ADARB1: variants seen among roughly 807,000 people sequenced by gnomAD.
ADARB1 encodes adenosine deaminase RNA specific B1, also known as double-stranded RNA-specific editase 1.
A neutral mutation model predicts 52.4 loss-of-function variants in ADARB1; 10 were observed. The ratio of observed to expected loss-of-function variants is 0.19; its 90% confidence interval spans 0.12 to 0.32. The LOEUF (loss-of-function observed/expected upper bound fraction) is 0.32. Ranked by LOEUF, ADARB1 falls within the 10% of genes least tolerant of loss-of-function variation. The pLI is 1.00. For synonymous variants in ADARB1, 349 were observed against 371.1 expected, an observed-to-expected ratio of 0.94 and a Z score of 0.68; for missense variants, 643 against 922.3, an observed-to-expected ratio of 0.70 and a Z score of 3.92.
intron 8 of ADARB1, among the ~76,000 whole-genome samples, chr21:45,202,411 G>A (rs2092574513): frequency 6.6e-6 from 1 of 152,176 alleles, no homozygotes; most frequent in South Asian, 2.1e-4. Flanking sequence ...GCGGCTGTTT[G>A]TCATGTGCTG....
chr21:45,121,907 C>A (rs753141902), intron 1 of ADARB1, among the ~76,000 whole-genome samples: 7 of 152,222 alleles, frequency 4.6e-5, no homozygotes, highest in African/African-American at 1.7e-4. Context: ...CCCCTCCTCT[C>A]GGGCCATCAA....
In ADARB1 at chr21:45,184,917, T is replaced by G; in HGVS notation, c.1397-6T>G. 1 of 1,607,712 alleles carries G rather than the reference T, an allele frequency of 6.2e-7. No homozygotes were observed. The highest frequency in any genetic ancestry group is 1.7e-4 in the Middle Eastern group (1 of 6,046). On this transcript the variant is annotated splice_polypyrimidine_tract_variant and splice_region_variant and intron_variant, in intron 7 of 10. Transcript: ENST00000348831. ...CTGTGGGGTTTTAACTCTTTTTCTC[T>G]CTTAGAACCAGCAGATAGACACCCA...
At chr21:45,124,343 TC>T (rs1169963431) in intron 1 of ADARB1, among the ~76,000 whole-genome samples, 5 of 151,970 alleles carry the variant, frequency 3.3e-5, no homozygotes, top group Non-Finnish European at 7.4e-5. Context: ...CATCCCTCCC[TC>T]CCTGCATTCC....
rs57020111 is a variant in ADARB1 at position 45,220,761 on chromosome 21, T to C, written c.1748-75T>C. 54,129 of 1,520,946 alleles carry C rather than the reference T, an allele frequency of 0.036. 1,481 individuals are homozygous for C. Among genetic ancestry groups the C allele is most frequent in the East Asian group, 0.12 (5,273 of 44,026 alleles). The allele number at this position is 1,520,946 out of a possible 1,614,324, so 94.2% of individuals were successfully genotyped here. ...CTTCTGTGGCCATGTCTGAGCACAG[T>C]GTGCCGCCCGTGGCTGCTCCCTCCC... On this transcript the variant is annotated intron_variant, in intron 9 of 10. Transcript: ENST00000348831. The surrounding 1 kb of genome is among the most constrained non-coding windows in gnomAD (Gnocchi z 6.3).
chr21:45,076,225 G>A (rs997928314), intron 1 of ADARB1, among the ~76,000 whole-genome samples: 3 of 152,224 alleles, frequency 2.0e-5, no homozygotes, highest in Non-Finnish European at 4.4e-5. Flanking sequence ...GGCTGATACA[G>A]TTCCTTCTTG....
chr21:45,093,911 G>A (rs2086655720), intron 1 of ADARB1, among the ~76,000 whole-genome samples: 1 of 152,194 alleles, frequency 6.6e-6, no homozygotes, highest in Admixed American at 6.5e-5. Flanking sequence ...AGAAGTGTCT[G>A]AAAAAATAAA....
At chr21:45,212,257 C>G (rs1045586118) in intron 9 of ADARB1, among the ~76,000 whole-genome samples, 1 of 152,300 alleles carries the variant, frequency 6.6e-6, no homozygotes, top group African/African-American at 2.4e-5. Flanking sequence ...ACCCTCTCTT[C>G]TAGCCATTCC....
chr21:45,126,404 C>T (rs975662087), intron 1 of ADARB1, among the ~76,000 whole-genome samples: 1 of 152,194 alleles, frequency 6.6e-6, no homozygotes, highest in African/African-American at 2.4e-5. Context: ...GTCTCTGTCA[C>T]CTGCTCCTCT....
chr21:45,182,481 C>T (rs1022901494), intron 5 of ADARB1, 104 bp from the exon 6 acceptor site: 9 of 1,306,890 alleles, frequency 6.9e-6, no homozygotes, highest in Non-Finnish European at 9.3e-6. Context: ...CTGTTGGCCC[C>T]TGAAAAGTTA....
At chr21:45,103,209 A>T (rs1285151901) in intron 1 of ADARB1, among the ~76,000 whole-genome samples, 1 of 152,180 alleles carries the variant, frequency 6.6e-6, no homozygotes, top group Non-Finnish European at 1.5e-5. Flanking sequence ...TGTGGATTTC[A>T]GTTAATAACA....
In ADARB1 at chr21:45,223,973, G is replaced by A. The variant is rs9977470; in HGVS notation, c.*1776G>A. The stretch of plus-strand genomic sequence containing the variant: ...TCTCCCTGAAGCAGTCACAGCAGGC[G>A]TCTCTGCCGCTCCGTCACCACAGTG... On this transcript the variant is annotated 3_prime_UTR_variant, in exon 11 of 11. Transcript: ENST00000348831. 49,887 of 985,250 alleles carry A rather than the reference G, an allele frequency of 0.051. 1,681 individuals are homozygous for A. Among genetic ancestry groups the A allele is most frequent in the African/African-American group, 0.17 (9,565 of 57,248 alleles). The allele number at this position is 985,250 out of a possible 1,614,324, so 61.0% of individuals were successfully genotyped here. A position where few individuals can be genotyped will look rare whatever the true frequency, so the allele number is the denominator to read the frequency against.
rs2089760799 is a variant in ADARB1 at position 45,142,128 on chromosome 21, C to G, written c.-48+13555C>G. Among the ~76,000 whole-genome samples the G allele has an allele frequency of 6.6e-6, 1 of 152,226 alleles. No individual in the cohort carries two copies. The highest frequency in any genetic ancestry group is 1.5e-5 in the Non-Finnish European group (1 of 68,026). The stretch of plus-strand genomic sequence containing the variant: ...CTACCCCTGGGTTACCTGAGCCACC[C>G]TTGGTCACTGTCTGTGGGTGCTTGC... On this transcript the variant is annotated intron_variant, in intron 2 of 10. Transcript: ENST00000348831. The surrounding 1 kb of genome is among the most constrained non-coding windows in gnomAD (Gnocchi z 4.0).
In ADARB1 at chr21:45,113,302, A is replaced by G. The variant is rs529416007; in HGVS notation, c.-219-15100A>G. The stretch of plus-strand genomic sequence containing the variant: ...GCCAGGCGTGGTGTTGCACACCTGT[A>G]GTCCCAGCTACTCGGGAGGCTGAGG... On this transcript the variant is annotated intron_variant, in intron 1 of 10. Coordinates refer to ENST00000348831, the MANE Select transcript of ADARB1 (RefSeq NM_001112.4). 3.3e-5 allele frequency among the ~76,000 whole-genome samples: 5 copies of G among 152,218 alleles called. No homozygotes were observed. The South Asian group carries it at 1.0e-3, about 32-fold the overall frequency.
chr21:45,150,736 G>A (rs544797473), intron 2 of ADARB1, among the ~76,000 whole-genome samples: 9 of 152,246 alleles, frequency 5.9e-5, no homozygotes, highest in African/African-American at 1.9e-4. Context: ...CCTGGCGGTC[G>A]GGCCTGATGT....
chr21:45,120,116 A>G (rs2088078269), intron 1 of ADARB1, among the ~76,000 whole-genome samples: 1 of 152,204 alleles, frequency 6.6e-6, no homozygotes, highest in African/African-American at 2.4e-5. Flanking sequence ...TTCACTTCGT[A>G]GGTTACCATG....
At chr21:45,081,009 C>G (rs1429951082) in intron 1 of ADARB1, among the ~76,000 whole-genome samples, 1 of 152,176 alleles carries the variant, frequency 6.6e-6, no homozygotes, top group East Asian at 1.9e-4. Context: ...TTTGGAGTTT[C>G]AGAACACCCA....
At chr21:45,167,336 T>C (rs894751662) in intron 2 of ADARB1, among the ~76,000 whole-genome samples, 1 of 152,266 alleles carries the variant, frequency 6.6e-6, no homozygotes, top group Non-Finnish European at 1.5e-5. Flanking sequence ...TTGTAAAGTT[T>C]GTTTTTCCTG....
Position 45,222,061 on chromosome 21 carries a change from T to C in ADARB1, c.1970T>C (p.Val657Ala). ...LLRSKITKPN[V>A]YHESKLAAKE... is the part of the protein sequence containing the mutation. ...CGCTCCAAGATTACCAAGCCCAACG[T>C]GTACCATGAGTCCAAGCTGGCGGCA... Residue 657 changes from valine to alanine, a missense_variant, in exon 11 of 11, where the codon GTG (valine) becomes GCG (alanine). This residue lies in a region of ADARB1 where 263 missense variants were observed against 475.8 expected (regional missense o/e 0.55). Transcript: ENST00000348831. 6.2e-7 allele frequency: 1 copy of C among 1,613,702 alleles called. No homozygotes were observed. The highest frequency in any genetic ancestry group is 8.5e-7 in the Non-Finnish European group (1 of 1,179,990).
intron 8 of ADARB1, among the ~76,000 whole-genome samples, chr21:45,203,683 G>A (rs1197335948): frequency 2.0e-5 from 3 of 152,206 alleles, no homozygotes; most frequent in South Asian, 2.1e-4. Context: ...ACGTGCAGTC[G>A]CTGTAAATCC....
Sources: allele counts gnomAD v4.1 joint callset (sites outside exome capture counted in the v4.1 genomes callset), GRCh38; gene constraint gnomAD v4.1.1; regional missense constraint gnomAD v4.1.1; non-coding constraint Gnocchi (gnomAD v3.1); transcripts MANE v1.5; gene names NCBI Gene and HGNC (gene_info 2026-07-23, HGNC 2026-07-21).